Variants in COPB1 observed in about 807,000 individuals in gnomAD.
COPB1 encodes coatomer subunit beta.
Under a neutral mutation model 108.7 loss-of-function variants are expected in COPB1, and 21 were observed. The observed-to-expected ratio is 0.19, with a 90% CI of 0.14 to 0.28. The LOEUF (loss-of-function observed/expected upper bound fraction) is 0.28, where lower values mean the gene tolerates loss of function less well. Ranked by LOEUF, COPB1 falls within the 10% of genes least tolerant of loss-of-function variation. The pLI, the probability that COPB1 is intolerant of heterozygous loss-of-function variation, is 1.00. For missense variants in COPB1, 919 were observed against 1,141.3 expected, an observed-to-expected ratio of 0.81 and a Z score of 2.81; for synonymous variants, 378 against 386.8, an observed-to-expected ratio of 0.98 and a Z score of 0.27.
In COPB1 at chr11:14,461,850, A is replaced by T. The variant is rs75944199; in HGVS notation, c.2411-519T>A. On this transcript the variant is annotated intron_variant, in intron 18 of 21. Transcript: ENST00000439561. The stretch of plus-strand genomic sequence containing the variant: ...TGGGGAATTGCTTCCAGGACCCCCT[A>T]TGGATACCAAAATCTACAGATGCTC... Among the ~76,000 whole-genome samples, 450 of 152,310 alleles carry T rather than the reference A, an allele frequency of 3.0e-3. 1 individual carries two copies. Among genetic ancestry groups the T allele is most frequent in the African/African-American group, 8.8e-3 (366 of 41,564 alleles).
At chr11:14,493,216 T>C (rs1337503673) in intron 4 of COPB1, among the ~76,000 whole-genome samples, 1 of 152,188 alleles carries the variant, frequency 6.6e-6, no homozygotes, top group East Asian at 1.9e-4. Context: ...GTTATAACTG[T>C]AGCCCTTCTC....
intron 2 of COPB1, among the ~76,000 whole-genome samples, chr11:14,496,854 A>G (rs1258012309): frequency 1.3e-5 from 2 of 152,182 alleles, no homozygotes; most frequent in East Asian, 3.8e-4. Flanking sequence ...AAACAGACAT[A>G]AAGACCCATG....
At chr11:14,458,757 A>T in intron 20 of COPB1, 70 bp from the exon 21 acceptor site, 2 of 1,308,784 alleles carry the variant, frequency 1.5e-6, no homozygotes, top group Non-Finnish European at 2.1e-6. Flanking sequence ...CAAACAGCAT[A>T]GGTGACTTTT....
intron 2 of COPB1, among the ~76,000 whole-genome samples, chr11:14,497,604 A>T (rs1851050907): frequency 6.6e-6 from 1 of 152,240 alleles, no homozygotes; most frequent in African/African-American, 2.4e-5. Flanking sequence ...AATGTAAACT[A>T]GTATACCCAC....
rs1850641531 is a variant in COPB1, at chr11:14,480,672, T to C, written c.1212+87A>G. The C allele has an allele frequency of 3.1e-6, 4 of 1,299,732 alleles. No homozygotes were observed. The South Asian group carries it at 5.7e-5, about 19-fold the overall frequency. 80.5% of individuals were successfully genotyped at this position (1,299,732 alleles called of 1,614,324 possible). A position where few individuals can be genotyped will look rare whatever the true frequency, so the allele number is the denominator to read the frequency against. ...ATGAGATTTAATGGTTCTAGGCAGCTGAGATTTCTGGAGTTTGTCAAATAA... is the reference window on the plus strand; with the variant it reads ...ATGAGATTTAATGGTTCTAGGCAGCCGAGATTTCTGGAGTTTGTCAAATAA... On this transcript the variant is annotated intron_variant, in intron 10 of 21. Transcript: ENST00000439561.
chr11:14,498,941 T>C lies in COPB1; in HGVS notation c.-13A>G, dbSNP rs1340560154. 4.4e-6 allele frequency: 7 copies of C among 1,596,242 alleles called. No homozygotes were observed. The highest frequency in any genetic ancestry group is 6.0e-6 in the Non-Finnish European group (7 of 1,173,028). ...CAGCCGCCGTCATGGTTTCTGGTTA[T>C]ATTATAACCAATCCTTGACACAAGA... On this transcript the variant is annotated 5_prime_UTR_variant, in exon 2 of 22. In the 5' UTR this introduces an upstream ATG that the reference lacks. Transcript: ENST00000439561.
chr11:14,465,508 A>AT (rs538075447), intron 17 of COPB1, among the ~76,000 whole-genome samples: 102 of 152,198 alleles, frequency 6.7e-4, no homozygotes, highest in African/African-American at 2.3e-3. Flanking sequence ...AATTTTCTTG[A>AT]TTTTTTGTAG....
Position 14,468,735 on chromosome 11 carries a change from C to T in COPB1, c.2091G>A (p.Met697Ile). 6.2e-7 allele frequency: 1 copy of T among 1,614,150 alleles called. No homozygotes were observed. Among genetic ancestry groups the T allele is most frequent in the African/African-American group, 1.3e-5 (1 of 75,038 alleles). Residue 697 changes from methionine (M) to isoleucine (I), a missense_variant, in exon 16 of 22, where the codon ATG (methionine) becomes ATA (isoleucine). Met to Ile is a conservative substitution (Grantham distance 10, BLOSUM62 1). Transcript: ENST00000439561. Reference protein sequence around the residue: ...DQFQLSLLAAMGNTQRKEAAD... With the variant: ...DQFQLSLLAAIGNTQRKEAAD... ...CTGCCTCTTTCCTCTGTGTGTTACC[C>T]ATTGCTGCCAGTAAACTCAGCTGAA...
chr11:14,477,048 G>T, intron 11 of COPB1, 33 bp from the exon 12 acceptor site: 1 of 1,368,340 alleles, frequency 7.3e-7, no homozygotes. Context: ...ACATGAACTT[G>T]GCAGACAAAT....
At chr11:14,460,093 A>G (rs968523865) in intron 20 of COPB1, 115 bp downstream of exon 20, 1 of 605,076 alleles carries the variant, frequency 1.7e-6, no homozygotes, top group Non-Finnish European at 2.9e-6. Flanking sequence ...TCTTTTAGAT[A>G]GCCTAGAATG....
intron 17 of COPB1, 55 bp downstream of exon 17, chr11:14,466,227 T>C: frequency 6.5e-7 from 1 of 1,535,914 alleles, no homozygotes; most frequent in Non-Finnish European, 8.9e-7. Flanking sequence ...TCCCTTAATC[T>C]GTCATAAAGA....
chr11:14,476,759 CTTCT>C lies in COPB1; in HGVS notation c.1455+156_1455+159del, dbSNP rs1376724156. ...TAAAGCAGAATTTTACAAGCTACTG[CTTCT>C]TTTTTTTTTTTTTTTTTTTAATAAA... is the stretch of plus-strand genomic sequence containing the variant. On this transcript the variant is annotated intron_variant, in intron 12 of 21. Coordinates refer to ENST00000439561, the MANE Select transcript of COPB1 (RefSeq NM_001144061.2). 2.0e-4 allele frequency among the ~76,000 whole-genome samples: 23 copies of C among 115,790 alleles called. No homozygotes were observed. The East Asian group carries it at 4.1e-3, about 21-fold the overall frequency. 76.0% of individuals were successfully genotyped at this position (115,790 alleles called of 152,430 possible). A position where few individuals can be genotyped will look rare whatever the true frequency, so the allele number is the denominator to read the frequency against.
chr11:14,476,632 T>G (rs1437254626), intron 12 of COPB1, among the ~76,000 whole-genome samples: 1 of 152,194 alleles, frequency 6.6e-6, no homozygotes, highest in African/African-American at 2.4e-5. Flanking sequence ...GTTCTTTCTA[T>G]TCTACCATAA....
intron 20 of COPB1, 75 bp from the exon 21 acceptor site, chr11:14,458,762 A>AAT: frequency 8.3e-7 from 1 of 1,206,164 alleles, no homozygotes; most frequent in Non-Finnish European, 1.1e-6. Flanking sequence ...AGCATAGGTG[A>AAT]CTTTTTTTTT....
At chr11:14,499,434 C>T (rs1450157) in intron 1 of COPB1, among the ~76,000 whole-genome samples, 7 of 152,014 alleles carry the variant, frequency 4.6e-5, no homozygotes, top group Admixed American at 2.0e-4. Context: ...CTCGCCCCAC[C>T]CGCTTCCTCC....
At position 14,498,870 on chromosome 11, in the gene COPB1, G is replaced by A; in HGVS notation, c.59C>T (p.Pro20Leu). 6.2e-7 allele frequency: 1 copy of A among 1,608,166 alleles called. No individual in the cohort carries two copies. Among genetic ancestry groups the A allele is most frequent in the Non-Finnish European group, 8.5e-7 (1 of 1,178,336 alleles). ...ATTTTTTAAGCTAATTTCAGATGGT[G>A]GTTCTGAATCCATTGGCACGTTAAT... is the stretch of plus-strand genomic sequence containing the variant. ...TLINVPMDSE[P>L]PSEISLKNDL... The change falls in exon 2 of 22, where the codon CCA becomes CTA. Residue 20 changes from proline to leucine, a missense_variant. Pro to Leu is a moderately conservative substitution (Grantham distance 98). Transcript: ENST00000439561.
chr11:14,466,537 ATT>A lies in COPB1; in HGVS notation c.2146-113_2146-112del, dbSNP rs1850284801. On this transcript the variant is annotated intron_variant, in intron 16 of 21. Transcript: ENST00000439561. ...TTATTAACAGAGTTGCTTAGAAGTC[ATT>A]TTGAGATAGGTAAAATAAAATTGTT... 27 of 1,016,014 alleles carry A rather than the reference ATT, an allele frequency of 2.7e-5. 1 individual carries two copies. The South Asian group carries it at 4.6e-4, about 17-fold the overall frequency. 62.9% of individuals were successfully genotyped at this position (1,016,014 alleles called of 1,614,324 possible).
chr11:14,478,467 G>A (rs1051785129), intron 11 of COPB1, among the ~76,000 whole-genome samples: 1 of 150,494 alleles, frequency 6.6e-6, no homozygotes, highest in Non-Finnish European at 1.5e-5. Flanking sequence ...CAAAAAATCA[G>A]GAATGTATTA....
In COPB1 at chr11:14,458,746, C is replaced by A. The variant is rs12576926; in HGVS notation, c.2647-59G>T. The stretch of plus-strand genomic sequence containing the variant: ...CCAGATACCTACATAGAGGCAAAAA[C>A]CAAACAGCATAGGTGACTTTTTTTT... On this transcript the variant is annotated intron_variant, in intron 20 of 21. Transcript: ENST00000439561. 6.8e-6 allele frequency: 10 copies of A among 1,481,382 alleles called. No individual in the cohort carries two copies. Among genetic ancestry groups the A allele is most frequent in the South Asian group, 1.3e-5 (1 of 77,396 alleles). 91.8% of individuals were successfully genotyped at this position (1,481,382 alleles called of 1,614,324 possible).
Sources: gnomAD v4.1 joint callset for allele counts (sites outside exome capture counted in the v4.1 genomes callset) on GRCh38, gnomAD v4.1.1 for gene constraint, MANE v1.5 for transcripts, NCBI Gene and HGNC (gene_info 2026-07-23, HGNC 2026-07-21) for gene names.